The following WASF2 variants were observed in gnomAD, a reference collection of about 807,000 sequenced individuals.
WASF2 encodes the protein actin-binding protein WASF2.
WASF2 carries 14 observed loss-of-function variants against 45.0 expected under a neutral mutation model. That is an observed-to-expected ratio of 0.31 (90% CI 0.21 to 0.49). WASF2 has a LOEUF of 0.49. Ranked by LOEUF, WASF2 falls within the 20% of genes least tolerant of loss-of-function variation. The pLI is 0.99. For synonymous variants in WASF2, 200 were observed against 236.3 expected, an observed-to-expected ratio of 0.85 and a Z score of 1.41; for missense variants, 439 against 636.1, an observed-to-expected ratio of 0.69 and a Z score of 3.33.
chr1:27,471,314 C>T (rs1423733109), intron 1 of WASF2, among the ~76,000 whole-genome samples: 1 of 140,546 alleles, frequency 7.1e-6, no homozygotes, highest in Non-Finnish European at 1.5e-5. Context: ...CACTGCACTC[C>T]AGCCTGGGCG....
rs1204075499 is a variant in WASF2, at chr1:27,404,721, GGTTA to G, written c.*3464_*3467del. The G allele has an allele frequency of 2.0e-5, 3 of 152,144 alleles. No individual in the cohort carries two copies. Among genetic ancestry groups the G allele is most frequent in the Non-Finnish European group, 2.9e-5 (2 of 68,028 alleles). The allele number at this position is 152,144 out of a possible 1,614,324, so 9.4% of individuals were successfully genotyped here. On this transcript the variant is annotated 3_prime_UTR_variant, in exon 9 of 9. Coordinates refer to ENST00000618852, the MANE Select transcript of WASF2 (RefSeq NM_006990.5). ...TCATTCTAGACAGAAAGTAAAAACT[GGTTA>G]GTTCCTCAAGTGAATTAACTGAATA...
At chr1:27,488,706 A>G (rs1206944071) in intron 1 of WASF2, among the ~76,000 whole-genome samples, 1 of 152,210 alleles carries the variant, frequency 6.6e-6, no homozygotes, top group Non-Finnish European at 1.5e-5. Flanking sequence ...TCCCCATGCC[A>G]GAAGTCAAAT....
In WASF2 at chr1:27,455,678, C is replaced by T. The variant is rs146156108; in HGVS notation, c.-43-26745G>A. Among the ~76,000 whole-genome samples the T allele has an allele frequency of 7.6e-3, 1,165 of 152,322 alleles. 60 individuals carry two copies. The highest frequency in any genetic ancestry group is 0.071 in the Admixed American group (1,079 of 15,280). On this transcript the variant is annotated intron_variant, in intron 1 of 8. Coordinates refer to ENST00000618852, the MANE Select transcript of WASF2 (RefSeq NM_006990.5). ...GTGATTTCACTCAAGACATTTGCCACTTCCTGGATTACTTACCTTTTTGTT... is the reference window on the plus strand; with the variant it reads ...GTGATTTCACTCAAGACATTTGCCATTTCCTGGATTACTTACCTTTTTGTT...
At chr1:27,456,161 A>G (rs2017463384) in intron 1 of WASF2, among the ~76,000 whole-genome samples, 1 of 151,922 alleles carries the variant, frequency 6.6e-6, no homozygotes, top group Non-Finnish European at 1.5e-5. Flanking sequence ...TCGCTACTAA[A>G]AATACAAAAA....
At chr1:27,457,546 TAGA>T (rs928013561) in intron 1 of WASF2, among the ~76,000 whole-genome samples, 4 of 151,460 alleles carry the variant, frequency 2.6e-5, no homozygotes, top group African/African-American at 9.7e-5. Flanking sequence ...ACAAAACGGA[TAGA>T]AGAATGGAAG....
At chr1:27,463,602 G>T (rs552110324) in intron 1 of WASF2, among the ~76,000 whole-genome samples, 1 of 126,430 alleles carries the variant, frequency 7.9e-6, no homozygotes, top group Admixed American at 9.4e-5. Context: ...TAGCCTGGGC[G>T]ACAGAGTGAG....
Position 27,489,252 on chromosome 1 carries a change from G to GCGCA in WASF2, c.-44+733_-44+734insTGCG, listed in dbSNP as rs1255427152. 2.0e-3 allele frequency among the ~76,000 whole-genome samples: 164 copies of GCGCA among 80,298 alleles called. 2 individuals carry two copies. Among genetic ancestry groups the GCGCA allele is most frequent in the African/African-American group, 7.5e-3 (125 of 16,582 alleles). The allele number at this position is 80,298 out of a possible 152,430, so 52.7% of individuals were successfully genotyped here. A position where few individuals can be genotyped will look rare whatever the true frequency, so the allele number is the denominator to read the frequency against. ...ACTCTGCAGACTATCCTGTACGCGC[G>GCGCA]CACACACACACACACACACACACAC... On this transcript the variant is annotated intron_variant, in intron 1 of 8. Coordinates refer to ENST00000618852, the MANE Select transcript of WASF2 (RefSeq NM_006990.5).
At chr1:27,449,126 C>T (rs187953157) in intron 1 of WASF2, among the ~76,000 whole-genome samples, 90 of 152,290 alleles carry the variant, frequency 5.9e-4, no homozygotes, top group Middle Eastern at 3.4e-3. Context: ...TTCCACATGC[C>T]ATAACGGTTC....
intron 1 of WASF2, among the ~76,000 whole-genome samples, chr1:27,478,369 G>A (rs920074819): frequency 6.6e-6 from 1 of 151,770 alleles, no homozygotes; most frequent in Non-Finnish European, 1.5e-5. Context: ...AAAGGACTTG[G>A]GTTCGTATAC....
chr1:27,476,599 A>C (rs1479721463), intron 1 of WASF2, among the ~76,000 whole-genome samples: 1 of 152,190 alleles, frequency 6.6e-6, no homozygotes, highest in Non-Finnish European at 1.5e-5. Context: ...AAAAAAAAAA[A>C]ACCTCTTCCA....
At position 27,412,715 on chromosome 1, in the gene WASF2, A is replaced by C. The variant is rs1277948273; in HGVS notation, c.681T>G (p.Thr227=). The change falls in exon 7 of 9, where the codon ACT becomes ACG. Residue 227 remains threonine (T), a synonymous_variant. Coordinates refer to ENST00000618852, the MANE Select transcript of WASF2 (RefSeq NM_006990.5). ...CAATGCTGCCATTCTGGTACACCAA[A>C]GTGGGTGGATACCTGACAATGAACC... is the stretch of plus-strand genomic sequence containing the variant. ...EKLGTSGYPP[T]LVYQNGSIGC... 1 of 1,614,104 alleles carries C rather than the reference A, an allele frequency of 6.2e-7. No individual in the cohort carries two copies. Among genetic ancestry groups the C allele is most frequent in the Non-Finnish European group, 8.5e-7 (1 of 1,180,046 alleles).
intron 2 of WASF2, 152 bp from the exon 3 acceptor site, chr1:27,419,240 G>A: frequency 1.4e-6 from 1 of 728,118 alleles, no homozygotes; most frequent in Non-Finnish European, 2.2e-6. Context: ...GCAGATGACT[G>A]CTCTTAGAGA....
intron 5 of WASF2, 88 bp downstream of exon 5, chr1:27,415,897 G>T: frequency 1.8e-6 from 2 of 1,116,810 alleles, no homozygotes; most frequent in South Asian, 1.4e-5. Flanking sequence ...CACTTGAAAT[G>T]ATTACTTCAC....
chr1:27,461,333 GAATTAATTAAT>G (rs1217772656), intron 1 of WASF2, among the ~76,000 whole-genome samples: 1 of 150,330 alleles, frequency 6.7e-6, no homozygotes, highest in Admixed American at 6.6e-5. Context: ...TACACACACA[GAATTAATTAAT>G]TAATGAATTA....
intron 1 of WASF2, among the ~76,000 whole-genome samples, chr1:27,486,440 T>C (rs912854874): frequency 3.3e-5 from 5 of 152,212 alleles, no homozygotes; most frequent in African/African-American, 7.2e-5. Flanking sequence ...AATGTATTAA[T>C]AGAGCTTCAC....
chr1:27,411,597 C>T (rs1320025956), intron 7 of WASF2, among the ~76,000 whole-genome samples: 1 of 152,216 alleles, frequency 6.6e-6, no homozygotes, highest in African/African-American at 2.4e-5. Context: ...GGCATGGTGG[C>T]TCATGCCTGT....
At chr1:27,432,784 ACCCAGGCCTCACTCTGTTG>A (rs1415467580) in intron 1 of WASF2, among the ~76,000 whole-genome samples, 1 of 151,760 alleles carries the variant, frequency 6.6e-6, no homozygotes, top group East Asian at 1.9e-4. Flanking sequence ...TCACTCTGTC[ACCCAGGCCTCACTCTGTTG>A]CCCAGGTTGG....
chr1:27,461,379 G>A (rs1356857641), intron 1 of WASF2, among the ~76,000 whole-genome samples: 3 of 150,634 alleles, frequency 2.0e-5, no homozygotes, highest in Admixed American at 6.6e-5. Flanking sequence ...TCACTCTGTC[G>A]CCCAGGCTGG....
intron 1 of WASF2, among the ~76,000 whole-genome samples, chr1:27,445,051 C>T (rs2017293826): frequency 6.6e-6 from 1 of 152,120 alleles, no homozygotes; most frequent in African/African-American, 2.4e-5. Context: ...TCTTTGAGTA[C>T]AGGAATTGAA....
Sources: allele counts gnomAD v4.1 joint callset (sites outside exome capture counted in the v4.1 genomes callset), GRCh38; gene constraint gnomAD v4.1.1; transcripts MANE v1.5; gene names NCBI Gene and HGNC (gene_info 2026-07-23, HGNC 2026-07-21).